CAPSL: variants seen among roughly 807,000 people sequenced by gnomAD.
CAPSL encodes the protein calcyphosine like.
Under a neutral mutation model 21.3 loss-of-function variants are expected in CAPSL, and 17 were observed. That is an observed-to-expected ratio of 0.80 (90% confidence interval 0.55 to 1.20). The LOEUF (loss-of-function observed/expected upper bound fraction) is 1.20, where lower values mean the gene tolerates loss of function less well. Ranked by LOEUF, CAPSL falls within the 50% of genes most tolerant of loss-of-function variation. CAPSL has a pLI of 0.00. For missense variants in CAPSL, 289 were observed against 259.3 expected (o/e 1.11, Z -0.79); for synonymous variants, 102 against 89.3 (o/e 1.14, Z -0.80).
chr5:35,915,533 C>T (rs1371580098), intron 2 of CAPSL, among the ~76,000 whole-genome samples: 1 of 152,168 alleles, frequency 6.6e-6, no homozygotes, highest in Non-Finnish European at 1.5e-5. Context: ...GGCTTCATCC[C>T]TGGGATGCAA....
chr5:35,937,284 A>G (rs1487613907), intron 1 of CAPSL, among the ~76,000 whole-genome samples: 3 of 152,202 alleles, frequency 2.0e-5, no homozygotes, highest in Non-Finnish European at 4.4e-5. Flanking sequence ...ATGGTCCCCC[A>G]TTGCATACAG....
At chr5:35,931,750 A>G (rs1738831917) in intron 1 of CAPSL, among the ~76,000 whole-genome samples, 1 of 152,240 alleles carries the variant, frequency 6.6e-6, no homozygotes, top group Non-Finnish European at 1.5e-5. Context: ...ATATAGAGAA[A>G]TAAATAAATA....
intron 2 of CAPSL, among the ~76,000 whole-genome samples, chr5:35,917,552 T>C (rs1738424481): frequency 6.6e-6 from 1 of 152,164 alleles, no homozygotes; most frequent in Admixed American, 6.5e-5. Context: ...AATGATGAGT[T>C]CATGTCCTTT....
At chr5:35,916,188 A>T (rs1240548065) in intron 2 of CAPSL, among the ~76,000 whole-genome samples, 1 of 151,870 alleles carries the variant, frequency 6.6e-6, no homozygotes, top group African/African-American at 2.4e-5. Context: ...GGAGAACTAC[A>T]AACCACTGCT....
intron 2 of CAPSL, among the ~76,000 whole-genome samples, chr5:35,915,560 G>A (rs573033887): frequency 4.6e-5 from 7 of 152,214 alleles, no homozygotes; most frequent in African/African-American, 1.2e-4. Flanking sequence ...TTCAACATAC[G>A]CAAATCAATA....
chr5:35,929,175 A>G (rs535918205), intron 1 of CAPSL, among the ~76,000 whole-genome samples: 1 of 151,916 alleles, frequency 6.6e-6, no homozygotes, highest in East Asian at 1.9e-4. Context: ...TCTATCAAAT[A>G]CTACTGCCCT....
intron 1 of CAPSL, among the ~76,000 whole-genome samples, chr5:35,926,702 G>A (rs1442292099): frequency 6.6e-6 from 1 of 152,158 alleles, no homozygotes; most frequent in African/African-American, 2.4e-5. Flanking sequence ...TCCATCTGCA[G>A]CCAACTACCT....
chr5:35,908,861 A>G (rs1363125034), intron 4 of CAPSL, among the ~76,000 whole-genome samples: 1 of 152,172 alleles, frequency 6.6e-6, no homozygotes, highest in Non-Finnish European at 1.5e-5. Context: ...ATGAAGTTTC[A>G]TTTAAAAAGT....
intron 2 of CAPSL, among the ~76,000 whole-genome samples, chr5:35,919,168 A>ATTATATATATAT (rs1328263175): frequency 1.8e-5 from 2 of 113,012 alleles, no homozygotes; most frequent in African/African-American, 3.2e-5. Flanking sequence ...ATTAAAAAAA[A>ATTATATATATAT]AAATATATAT....
intron 1 of CAPSL, among the ~76,000 whole-genome samples, chr5:35,923,426 A>G (rs1284420644): frequency 2.0e-5 from 3 of 152,174 alleles, no homozygotes; most frequent in Admixed American, 1.3e-4. Flanking sequence ...GAAAACAGGA[A>G]CTCAAACAAA....
chr5:35,907,281 T>C lies in CAPSL; in HGVS notation c.525+2585A>G, dbSNP rs1760699457. On this transcript the variant is annotated intron_variant, in intron 4 of 4. Transcript: ENST00000651391. ...TAAAACAAATCTAGGTTACTATTAA[T>C]ACATACACTCAGTAATATACCTAAC... Among the ~76,000 whole-genome samples the C allele has an allele frequency of 3.9e-5, 6 of 152,176 alleles. No homozygotes were observed. The South Asian group carries it at 1.2e-3, about 31-fold the overall frequency.
At chr5:35,921,425 C>A (rs1327009882) in intron 1 of CAPSL, among the ~76,000 whole-genome samples, 3 of 152,200 alleles carry the variant, frequency 2.0e-5, no homozygotes, top group African/African-American at 7.2e-5. Flanking sequence ...TTTCTCTATA[C>A]TCTCTTTTTT....
intron 1 of CAPSL, among the ~76,000 whole-genome samples, chr5:35,926,107 A>G (rs539690446): frequency 6.6e-6 from 1 of 151,028 alleles, no homozygotes; most frequent in South Asian, 2.1e-4. Context: ...AAAAAACGGG[A>G]AAGGCCGTTT....
chr5:35,932,427 A>C (rs958751577), intron 1 of CAPSL, among the ~76,000 whole-genome samples: 1 of 152,116 alleles, frequency 6.6e-6, no homozygotes, highest in Non-Finnish European at 1.5e-5. Context: ...AGAAAAGAAA[A>C]AGGGCAAAAG....
At chr5:35,922,545 G>C (rs752348702) in intron 1 of CAPSL, among the ~76,000 whole-genome samples, 1 of 152,112 alleles carries the variant, frequency 6.6e-6, no homozygotes, top group Non-Finnish European at 1.5e-5. Flanking sequence ...AACTTGCTCT[G>C]TCTAAAGCTA....
chr5:35,925,862 A>G (rs1738661240), intron 1 of CAPSL, among the ~76,000 whole-genome samples: 1 of 152,126 alleles, frequency 6.6e-6, no homozygotes. Context: ...GGATCACCTG[A>G]GGTCAGGAGT....
chr5:35,914,698 A>G (rs974783207), intron 2 of CAPSL, among the ~76,000 whole-genome samples: 16 of 152,320 alleles, frequency 1.1e-4, no homozygotes, highest in Non-Finnish European at 1.5e-4. Flanking sequence ...TCTCTGGGAC[A>G]CATTCAAAGC....
At chr5:35,913,917 T>C (rs1386946779) in intron 2 of CAPSL, among the ~76,000 whole-genome samples, 2 of 152,024 alleles carry the variant, frequency 1.3e-5, no homozygotes, top group Admixed American at 6.5e-5. Context: ...GACTGGGAAA[T>C]TGGATAAACA....
chr5:35,925,929 AGC>A (rs1738663360), intron 1 of CAPSL, among the ~76,000 whole-genome samples: 1 of 152,020 alleles, frequency 6.6e-6, no homozygotes, highest in South Asian at 2.1e-4. Context: ...TACAAAAATT[AGC>A]CGGTCATGAT....
Sources: gnomAD v4.1 joint callset for allele counts (sites outside exome capture counted in the v4.1 genomes callset) on GRCh38, gnomAD v4.1.1 for gene constraint, MANE v1.5 for transcripts, NCBI Gene and HGNC (gene_info 2026-07-23, HGNC 2026-07-21) for gene names.